SPAG16: variants seen among roughly 807,000 people sequenced by gnomAD.
The protein encoded by SPAG16 is sperm associated antigen 16, also known as sperm-associated antigen 16 protein.
SPAG16 carries 86 observed loss-of-function variants against 80.4 expected under a neutral mutation model. That is an observed-to-expected ratio of 1.07 (90% CI 0.90 to 1.28). SPAG16 has a LOEUF of 1.28. Ranked by LOEUF, SPAG16 falls within the 50% of genes most tolerant of loss-of-function variation. The pLI, the probability that SPAG16 is intolerant of heterozygous loss-of-function variation, is 0.00. For missense variants in SPAG16, 870 were observed against 765.3 expected, an observed-to-expected ratio of 1.14 and a Z score of -1.61; for synonymous variants, 294 against 265.9, an observed-to-expected ratio of 1.11 and a Z score of -1.03.
chr2:214,212,846 G>A (rs1189858567), intron 15 of SPAG16, among the ~76,000 whole-genome samples: 2 of 152,212 alleles, frequency 1.3e-5, no homozygotes, highest in South Asian at 2.1e-4. Flanking sequence ...CAGGACCTGA[G>A]GAATTTTAGA....
At chr2:213,862,744 G>A in intron 11 of SPAG16, 116 bp downstream of exon 11, 1 of 1,139,788 alleles carries the variant, frequency 8.8e-7, no homozygotes, top group Non-Finnish European at 1.2e-6. Context: ...AACACACCCT[G>A]CACTGAATTT....
At chr2:214,372,789 G>C (rs967527732) in intron 15 of SPAG16, among the ~76,000 whole-genome samples, 5 of 152,166 alleles carry the variant, frequency 3.3e-5, no homozygotes, top group Non-Finnish European at 5.9e-5. Context: ...ACATGTAGTA[G>C]AAAATCCCAA....
chr2:213,346,566 C>G (rs572765499), intron 6 of SPAG16, among the ~76,000 whole-genome samples: 3 of 152,028 alleles, frequency 2.0e-5, no homozygotes, highest in Non-Finnish European at 4.4e-5. Context: ...ATCAATACCT[C>G]ATTTATTGAG....
intron 10 of SPAG16, among the ~76,000 whole-genome samples, chr2:213,707,216 CA>C (rs1435480370): frequency 6.6e-6 from 1 of 152,198 alleles, no homozygotes; most frequent in Non-Finnish European, 1.5e-5. Flanking sequence ...AATTTTTAGA[CA>C]CTGCTTACAA....
intron 10 of SPAG16, among the ~76,000 whole-genome samples, chr2:213,500,290 C>T (rs2074682637): frequency 6.6e-6 from 1 of 152,136 alleles, no homozygotes; most frequent in Non-Finnish European, 1.5e-5. Context: ...CTAGGCATTT[C>T]AGGTACATTT....
intron 15 of SPAG16, among the ~76,000 whole-genome samples, chr2:214,294,630 C>T (rs777722346): frequency 1.3e-5 from 2 of 152,184 alleles, no homozygotes; most frequent in Non-Finnish European, 2.9e-5. Context: ...ATCTATCAAA[C>T]CTTAACTATA....
At chr2:213,719,454 A>G (rs907518648) in intron 10 of SPAG16, among the ~76,000 whole-genome samples, 12 of 152,202 alleles carry the variant, frequency 7.9e-5, no homozygotes, top group African/African-American at 7.2e-5. Flanking sequence ...AATCTGATGC[A>G]GAGGCGGAGA....
intron 13 of SPAG16, among the ~76,000 whole-genome samples, chr2:214,042,204 C>T (rs1278432980): frequency 6.6e-6 from 1 of 151,292 alleles, no homozygotes; most frequent in African/African-American, 2.4e-5. Context: ...AGTGATTCTC[C>T]TGCTTCAGCC....
chr2:213,847,409 G>A (rs1380301853), intron 10 of SPAG16, among the ~76,000 whole-genome samples: 2 of 152,146 alleles, frequency 1.3e-5, no homozygotes, highest in Non-Finnish European at 2.9e-5. Flanking sequence ...TTTTAATCAG[G>A]GTGGAAGGCA....
At chr2:213,555,142 T>G (rs1446491408) in intron 10 of SPAG16, among the ~76,000 whole-genome samples, 1 of 152,194 alleles carries the variant, frequency 6.6e-6, no homozygotes, top group Non-Finnish European at 1.5e-5. Context: ...AGTGCACTTC[T>G]CAGCAGAAAC....
chr2:213,597,669 C>A (rs2060928721), intron 10 of SPAG16, among the ~76,000 whole-genome samples: 1 of 151,824 alleles, frequency 6.6e-6, no homozygotes, highest in African/African-American at 2.4e-5. Flanking sequence ...CTTGTTTCTC[C>A]AAAATCTTTA....
intron 9 of SPAG16, among the ~76,000 whole-genome samples, chr2:213,448,042 T>C (rs1164660500): frequency 6.6e-6 from 1 of 152,220 alleles, no homozygotes; most frequent in Non-Finnish European, 1.5e-5. Flanking sequence ...ACCAATCTGT[T>C]CAAATGGCTT....
intron 10 of SPAG16, among the ~76,000 whole-genome samples, chr2:213,726,394 T>C (rs2066771526): frequency 6.6e-6 from 1 of 152,220 alleles, no homozygotes; most frequent in Non-Finnish European, 1.5e-5. Flanking sequence ...GGAAGTACTG[T>C]AGGCAAGGAT....
At chr2:213,851,574 C>G (rs1011366299) in intron 10 of SPAG16, among the ~76,000 whole-genome samples, 29 of 152,120 alleles carry the variant, frequency 1.9e-4, no homozygotes, top group African/African-American at 6.8e-4. Flanking sequence ...GAATTTTAAT[C>G]GCAGTACCAT....
intron 9 of SPAG16, among the ~76,000 whole-genome samples, chr2:213,483,644 G>T (rs2073851218): frequency 6.6e-6 from 1 of 152,176 alleles, no homozygotes; most frequent in Admixed American, 6.5e-5. Context: ...TTGGGAAGGG[G>T]TTTGAGAATT....
At chr2:213,784,745 AG>A (rs2070229727) in intron 10 of SPAG16, among the ~76,000 whole-genome samples, 1 of 151,476 alleles carries the variant, frequency 6.6e-6, no homozygotes, top group African/African-American at 2.4e-5. Context: ...CATGTCCTAA[AG>A]TTCTTACACC....
intron 10 of SPAG16, among the ~76,000 whole-genome samples, chr2:213,752,445 T>G (rs938711599): frequency 6.6e-6 from 1 of 152,208 alleles, no homozygotes; most frequent in African/African-American, 2.4e-5. Context: ...GTTTCTTCTG[T>G]AGTTATAATA....
chr2:214,249,575 T>A (rs1006699253), intron 15 of SPAG16, among the ~76,000 whole-genome samples: 5 of 152,134 alleles, frequency 3.3e-5, no homozygotes, highest in Non-Finnish European at 4.4e-5. Flanking sequence ...ATTATTTTTA[T>A]ATGACAAGTA....
intron 15 of SPAG16, among the ~76,000 whole-genome samples, chr2:214,188,324 T>C (rs1315126913): frequency 1.3e-5 from 2 of 152,188 alleles, no homozygotes; most frequent in Admixed American, 6.6e-5. Context: ...ATGTTGTATA[T>C]ACATTCCACA....
Sources: allele counts gnomAD v4.1 joint callset (sites outside exome capture counted in the v4.1 genomes callset), GRCh38; gene constraint gnomAD v4.1.1; transcripts MANE v1.5; gene names NCBI Gene and HGNC (gene_info 2026-07-23, HGNC 2026-07-21).